The following GABRG3 variants were observed in gnomAD, a reference collection of about 807,000 sequenced individuals.
GABRG3 encodes the protein gamma-aminobutyric acid type A receptor subunit gamma3.
A neutral mutation model predicts 48.8 loss-of-function variants in GABRG3; 25 were observed. The observed-to-expected ratio is 0.51, with a 90% CI of 0.37 to 0.72. GABRG3 has a LOEUF of 0.72. GABRG3 is among the 30% of genes least tolerant of loss of function. The pLI, the probability that GABRG3 is intolerant of heterozygous loss-of-function variation, is 0.00. For missense variants in GABRG3, 394 were observed against 577.9 expected (o/e 0.68, Z 3.26); for synonymous variants, 227 against 217.6 (o/e 1.04, Z -0.38).
chr15:27,485,938 C>T (rs1194455503), intron 6 of GABRG3, among the ~76,000 whole-genome samples: 1 of 152,202 alleles, frequency 6.6e-6, no homozygotes, highest in East Asian at 1.9e-4. Flanking sequence ...ACCTTTATGA[C>T]ATTTGCAGGT....
chr15:27,459,174 A>G (rs565151944), intron 5 of GABRG3, among the ~76,000 whole-genome samples: 4 of 152,324 alleles, frequency 2.6e-5, no homozygotes, highest in Non-Finnish European at 2.9e-5. Flanking sequence ...TTAGAGGACT[A>G]TGTCTTTCCA....
intron 3 of GABRG3, among the ~76,000 whole-genome samples, chr15:27,030,780 A>C (rs1896071187): frequency 6.6e-6 from 1 of 152,096 alleles, no homozygotes; most frequent in Non-Finnish European, 1.5e-5. Flanking sequence ...GTTTGAGTCC[A>C]GTAAGTGGAA....
At chr15:27,308,005 T>C (rs1892737814) in intron 3 of GABRG3, among the ~76,000 whole-genome samples, 1 of 139,276 alleles carries the variant, frequency 7.2e-6, no homozygotes, top group Admixed American at 7.4e-5. Flanking sequence ...ACGTTTATAA[T>C]AAACGTATAT....
intron 3 of GABRG3, among the ~76,000 whole-genome samples, chr15:27,188,984 A>T (rs1436086278): frequency 2.0e-5 from 3 of 152,194 alleles, no homozygotes; most frequent in East Asian, 3.9e-4. Context: ...TTGAATAGGG[A>T]ATCCTTTCCC....
chr15:27,033,278 G>A (rs1896118389), intron 3 of GABRG3, among the ~76,000 whole-genome samples: 1 of 152,004 alleles, frequency 6.6e-6, no homozygotes, highest in Non-Finnish European at 1.5e-5. Flanking sequence ...ACCATGGTGA[G>A]CCTGCTGCCT....
chr15:27,283,856 G>T (rs531653230), intron 3 of GABRG3, among the ~76,000 whole-genome samples: 1 of 152,160 alleles, frequency 6.6e-6, no homozygotes, highest in Non-Finnish European at 1.5e-5. Context: ...CACAAATTAT[G>T]AGTGTAATAT....
chr15:27,052,246 T>C (rs1896468177), intron 3 of GABRG3, among the ~76,000 whole-genome samples: 1 of 152,176 alleles, frequency 6.6e-6, no homozygotes, highest in African/African-American at 2.4e-5. Flanking sequence ...CTTTGTCTCT[T>C]GAGAGTGCTG....
At position 27,534,601 on chromosome 15, in the gene GABRG3, C is replaced by T. The variant is rs371350598; in HGVS notation, c.*1720C>T. The T allele has an allele frequency of 5.3e-5, 8 of 152,138 alleles. No homozygotes were observed. Among genetic ancestry groups the T allele is most frequent in the African/African-American group, 1.9e-4 (8 of 41,436 alleles). The allele number at this position is 152,138 out of a possible 1,614,324, so 9.4% of individuals were successfully genotyped here. ...GTAATTTTTAAAATTATCTATTGTG[C>T]ATACCATAATTACCCAGAAACGTAA... is the stretch of plus-strand genomic sequence containing the variant. On this transcript the variant is annotated 3_prime_UTR_variant, in exon 10 of 10. Coordinates refer to ENST00000615808, the MANE Select transcript of GABRG3 (RefSeq NM_033223.5).
chr15:27,094,496 T>C (rs1897241355), intron 3 of GABRG3, among the ~76,000 whole-genome samples: 1 of 152,108 alleles, frequency 6.6e-6, no homozygotes, highest in Non-Finnish European at 1.5e-5. Flanking sequence ...AATGTGGCCA[T>C]ACAGATGGGA....
intron 2 of GABRG3, among the ~76,000 whole-genome samples, chr15:27,021,215 T>C (rs1895888270): frequency 6.6e-6 from 1 of 152,200 alleles, no homozygotes; most frequent in Admixed American, 6.5e-5. Flanking sequence ...AAAGAACATA[T>C]TTTTTCGTGT....
chr15:27,410,490 C>A (rs1011997570), intron 5 of GABRG3, among the ~76,000 whole-genome samples: 4 of 152,090 alleles, frequency 2.6e-5, no homozygotes, highest in African/African-American at 9.7e-5. Flanking sequence ...TCCATTAAAG[C>A]TGTCAGAGCA....
chr15:27,472,243 T>G lies in GABRG3; in HGVS notation c.575-8407T>G, dbSNP rs138213402. ...ACTAGTTTATTAATTAATTCCTTTC[T>G]GTCTTCTGGATATGTAAACATTTCT... On this transcript the variant is annotated intron_variant, in intron 5 of 9. Coordinates refer to ENST00000615808, the MANE Select transcript of GABRG3 (RefSeq NM_033223.5). Among the ~76,000 whole-genome samples the G allele has an allele frequency of 2.0e-3, 301 of 152,266 alleles. 1 individual carries two copies. Among genetic ancestry groups the G allele is most frequent in the Non-Finnish European group, 3.7e-3 (253 of 68,014 alleles).
chr15:27,424,604 A>G (rs1250041805), intron 5 of GABRG3, among the ~76,000 whole-genome samples: 1 of 140,240 alleles, frequency 7.1e-6, no homozygotes, highest in East Asian at 2.1e-4. Context: ...CCCAGGCTGG[A>G]GTGCAATGGC....
intron 5 of GABRG3, among the ~76,000 whole-genome samples, chr15:27,337,662 C>A (rs1372253481): frequency 1.3e-5 from 2 of 152,178 alleles, no homozygotes; most frequent in Non-Finnish European, 2.9e-5. Flanking sequence ...GTTCTTCATT[C>A]CTCTTTTCCC....
intron 3 of GABRG3, among the ~76,000 whole-genome samples, chr15:27,307,462 T>G (rs1297053406): frequency 1.4e-5 from 1 of 69,474 alleles, no homozygotes; most frequent in African/African-American, 5.5e-5. Context: ...TAGGTTTATA[T>G]ATTTATATAT....
chr15:27,091,848 G>C (rs898705306), intron 3 of GABRG3, among the ~76,000 whole-genome samples: 1 of 152,162 alleles, frequency 6.6e-6, no homozygotes, highest in African/African-American at 2.4e-5. Flanking sequence ...GCAGAGCTAC[G>C]GCAAGCTAAA....
At chr15:27,496,812 G>A in intron 6 of GABRG3, among the ~76,000 whole-genome samples, 1 of 152,212 alleles carries the variant, frequency 6.6e-6, no homozygotes, top group East Asian at 1.9e-4. Flanking sequence ...ATGGCAGGAT[G>A]TAGAAAAATG....
chr15:27,047,077 C>T (rs1187595129), intron 3 of GABRG3, among the ~76,000 whole-genome samples: 1 of 152,174 alleles, frequency 6.6e-6, no homozygotes, highest in East Asian at 1.9e-4. Flanking sequence ...CTAGTTGTTG[C>T]ATAATTTTTC....
At chr15:27,285,244 T>G (rs1238680762) in intron 3 of GABRG3, among the ~76,000 whole-genome samples, 2 of 147,286 alleles carry the variant, frequency 1.4e-5, no homozygotes, top group East Asian at 4.0e-4. Context: ...ATAAATTTGC[T>G]GAGCTTTCAG....
Sources: gnomAD v4.1 joint callset for allele counts (sites outside exome capture counted in the v4.1 genomes callset) on GRCh38, gnomAD v4.1.1 for gene constraint, MANE v1.5 for transcripts, NCBI Gene and HGNC (gene_info 2026-07-23, HGNC 2026-07-21) for gene names.